Variants in INPP5A observed in about 807,000 individuals in gnomAD.
INPP5A encodes the protein 43 kDa inositol polyphosphate 5-phophatase.
Under a neutral mutation model 65.2 loss-of-function variants are expected in INPP5A, and 14 were observed. The ratio of observed to expected loss-of-function variants is 0.21; its 90% CI spans 0.14 to 0.34. The LOEUF (loss-of-function observed/expected upper bound fraction) is 0.34, where lower values mean the gene tolerates loss of function less well. INPP5A is among the 10% of genes least tolerant of loss of function. The probability of loss-of-function intolerance (pLI) is 1.00; values close to 1 mark genes in which losing one functional copy is unlikely to be tolerated. For synonymous variants in INPP5A, 207 were observed against 208.3 expected (o/e 0.99, Z 0.05); for missense variants, 431 against 545.6 (o/e 0.79, Z 2.09).
At chr10:132,757,901 A>T (rs1168819462) in intron 11 of INPP5A, among the ~76,000 whole-genome samples, 6 of 148,540 alleles carry the variant, frequency 4.0e-5, no homozygotes, top group African/African-American at 1.5e-4. Context: ...CTGACCCCAC[A>T]GGCCAGTGCG....
chr10:132,636,163 ATGTG>A (rs59663030), intron 2 of INPP5A, among the ~76,000 whole-genome samples: 22 of 149,726 alleles, frequency 1.5e-4, no homozygotes, highest in Admixed American at 7.3e-4. Flanking sequence ...GATAAACAAA[ATGTG>A]TGTGTGTGTG....
At chr10:132,726,987 C>A in intron 9 of INPP5A, 82 bp downstream of exon 9, 1 of 918,084 alleles carries the variant, frequency 1.1e-6, no homozygotes, top group Non-Finnish European at 1.6e-6. Flanking sequence ...TGGCCCCTTA[C>A]TGGCACTTTC....
In INPP5A at chr10:132,741,980, G is replaced by GGTCAGAGCTGTGTGGGACAGGAGGT. The variant is rs1846281266; in HGVS notation, c.733-7533_733-7509dup. ...CACTCCTGAGGGAGAGCAAAGGCCA[G>GGTCAGAGCTGTGTGGGACAGGAGGT]GTCAGAGCTGTGTGGGACAGGAGGT... is the stretch of plus-strand genomic sequence containing the variant. On this transcript the variant is annotated intron_variant, in intron 9 of 15. Transcript: ENST00000368594. The surrounding 1 kb of genome is among the most constrained non-coding windows in gnomAD (Gnocchi z 4.4). 6.6e-6 allele frequency among the ~76,000 whole-genome samples: 1 copy of GGTCAGAGCTGTGTGGGACAGGAGGT among 152,216 alleles called. No individual in the cohort carries two copies. The highest frequency in any genetic ancestry group is 2.1e-4 in the South Asian group (1 of 4,832).
intron 4 of INPP5A, among the ~76,000 whole-genome samples, chr10:132,666,894 T>G (rs1261497500): frequency 6.6e-6 from 1 of 152,188 alleles, no homozygotes; most frequent in Non-Finnish European, 1.5e-5. Flanking sequence ...TGGAGATAAC[T>G]TGAGTCATAA....
chr10:132,727,091 C>A lies in INPP5A; in HGVS notation c.732+186C>A, dbSNP rs965817699. The stretch of plus-strand genomic sequence containing the variant: ...TCGGCAGAGGGATCCGTGTTGGAAT[C>A]CGGGGTGCGCGGGCCCTCAAGGTTG... On this transcript the variant is annotated intron_variant, in intron 9 of 15. Transcript: ENST00000368594. This position sits in a 1 kb window ranked among gnomAD's most constrained non-coding sequence, Gnocchi z 6.5. 2.2e-6 allele frequency: 1 copy of A among 455,154 alleles called. No individual in the cohort carries two copies. The highest frequency in any genetic ancestry group is 2.0e-5 in the African/African-American group (1 of 50,348). The allele number at this position is 455,154 out of a possible 1,614,324, so 28.2% of individuals were successfully genotyped here.
At chr10:132,617,244 T>C (rs1451939869) in intron 2 of INPP5A, among the ~76,000 whole-genome samples, 1 of 152,154 alleles carries the variant, frequency 6.6e-6, no homozygotes, top group African/African-American at 2.4e-5. Context: ...TCTGGCTCTT[T>C]GCAGGCAGCT....
chr10:132,729,600 A>G (rs1276522117), intron 9 of INPP5A, among the ~76,000 whole-genome samples: 1 of 151,920 alleles, frequency 6.6e-6, no homozygotes, highest in African/African-American at 2.4e-5. Context: ...GCTCGCCCCC[A>G]CCTGTACCCC....
At position 132,551,384 on chromosome 10, in the gene INPP5A, G is replaced by A. The variant is rs1050276301; in HGVS notation, c.75+13213G>A. ...GGGACAGGCCAGCCCACCGTCATCT[G>A]CCTGCAGCGTCCCTCCAGGTGGTCG... On this transcript the variant is annotated intron_variant, in intron 1 of 15. Coordinates refer to ENST00000368594, the MANE Select transcript of INPP5A (RefSeq NM_005539.5). This position sits in a 1 kb window ranked among gnomAD's most constrained non-coding sequence, Gnocchi z 5.3. 6.6e-6 allele frequency among the ~76,000 whole-genome samples: 1 copy of A among 152,160 alleles called. No individual in the cohort carries two copies. Among genetic ancestry groups the A allele is most frequent in the African/African-American group, 2.4e-5 (1 of 41,428 alleles).
At chr10:132,685,796 T>G (rs1032525113) in intron 4 of INPP5A, among the ~76,000 whole-genome samples, 1 of 152,158 alleles carries the variant, frequency 6.6e-6, no homozygotes, top group Non-Finnish European at 1.5e-5. Context: ...GTGTGAGAAG[T>G]GGTCTGCTCC....
intron 2 of INPP5A, among the ~76,000 whole-genome samples, chr10:132,623,396 G>GTT (rs528742476): frequency 1.4e-4 from 20 of 141,924 alleles, no homozygotes; most frequent in East Asian, 2.1e-4. Flanking sequence ...GAAAGGAACA[G>GTT]TTTTTTTTTT....
In INPP5A at chr10:132,698,921, C is replaced by T. The variant is rs995576089; in HGVS notation, c.474+1002C>T. On this transcript the variant is annotated intron_variant, in intron 6 of 15. Transcript: ENST00000368594. This position sits in a 1 kb window ranked among gnomAD's most constrained non-coding sequence, Gnocchi z 5.5. ...CGCACCTTGAGTGAGGGACTGTGGC[C>T]GCCCGTGAAGGATGGGGTGCTCCTG... is the stretch of plus-strand genomic sequence containing the variant. Among the ~76,000 whole-genome samples, 13 of 152,206 alleles carry T rather than the reference C, an allele frequency of 8.5e-5. No homozygotes were observed. Among genetic ancestry groups the T allele is most frequent in the African/African-American group, 1.9e-4 (8 of 41,452 alleles).
At position 132,612,134 on chromosome 10, in the gene INPP5A, G is replaced by A. The variant is rs145925638; in HGVS notation, c.117+4178G>A. Among the ~76,000 whole-genome samples the A allele has an allele frequency of 6.4e-3, 934 of 146,862 alleles. 4 individuals carry two copies. The highest frequency in any genetic ancestry group is 0.022 in the South Asian group (103 of 4,616). The stretch of plus-strand genomic sequence containing the variant: ...GGGAGAGGCCCCATCAGAGGAGGGT[G>A]AGGGAGGTTATGAGTTCGTGGGAGA... On this transcript the variant is annotated intron_variant, in intron 2 of 15. Coordinates refer to ENST00000368594, the MANE Select transcript of INPP5A (RefSeq NM_005539.5).
intron 12 of INPP5A, among the ~76,000 whole-genome samples, chr10:132,775,180 G>GGGA (rs1462487968): frequency 5.2e-4 from 2 of 3,842 alleles, no homozygotes; most frequent in East Asian, 3.0e-3. Flanking sequence ...AGGAGGGGCA[G>GGGA]GGAGAGAGGG....
intron 1 of INPP5A, among the ~76,000 whole-genome samples, chr10:132,541,477 G>A (rs2070905694): frequency 6.6e-6 from 1 of 152,146 alleles, no homozygotes; most frequent in Admixed American, 6.5e-5. Flanking sequence ...ACAGTGTTGC[G>A]GTAAATGCCT....
intron 1 of INPP5A, among the ~76,000 whole-genome samples, chr10:132,595,144 G>T (rs1347112007): frequency 1.3e-5 from 2 of 152,138 alleles, no homozygotes; most frequent in Admixed American, 1.3e-4. Context: ...CGGCATGAGG[G>T]GCTCCTGTGA....
In INPP5A at chr10:132,710,566, C is replaced by T. The variant is rs1444520439; in HGVS notation, c.647+110C>T. 18 of 1,418,150 alleles carry T rather than the reference C, an allele frequency of 1.3e-5. No homozygotes were observed. In the South Asian group the frequency reaches 1.4e-4, roughly 11 times the overall value. 87.8% of individuals were successfully genotyped at this position (1,418,150 alleles called of 1,614,324 possible). A position where few individuals can be genotyped will look rare whatever the true frequency, so the allele number is the denominator to read the frequency against. On this transcript the variant is annotated intron_variant, in intron 8 of 15. Transcript: ENST00000368594. ...GGACAAGTAGGTATGCTGGGCAGGTCGGTGTGGGTGGACAGGTAGGTGGGG... is the reference window on the plus strand; with the variant it reads ...GGACAAGTAGGTATGCTGGGCAGGTTGGTGTGGGTGGACAGGTAGGTGGGG...
At position 132,656,749 on chromosome 10, in the gene INPP5A, A is replaced by C. The variant is rs568290953; in HGVS notation, c.306+6244A>C. 2.0e-4 allele frequency among the ~76,000 whole-genome samples: 31 copies of C among 152,334 alleles called. No homozygotes were observed. In the East Asian group the frequency reaches 5.8e-3, roughly 28 times the overall value. On this transcript the variant is annotated intron_variant, in intron 4 of 15. Transcript: ENST00000368594. The stretch of plus-strand genomic sequence containing the variant: ...GCTCCTGAGAGGATTTTTCACATGC[A>C]GCAGCTGGAGACAGTTTGGAGGGGC...
At position 132,728,104 on chromosome 10, in the gene INPP5A, C is replaced by T. The variant is rs780055038; in HGVS notation, c.732+1199C>T. 3.3e-5 allele frequency among the ~76,000 whole-genome samples: 5 copies of T among 152,322 alleles called. No homozygotes were observed. The East Asian group carries it at 9.6e-4, about 29-fold the overall frequency. On this transcript the variant is annotated intron_variant, in intron 9 of 15. Transcript: ENST00000368594. ...GCAGCACCTTGTCACAAGGCCCCAC[C>T]GCATGCCTGTGTATCAACATTTGGC...
chr10:132,615,883 C>A (rs573196494), intron 2 of INPP5A, among the ~76,000 whole-genome samples: 1 of 152,046 alleles, frequency 6.6e-6, no homozygotes, highest in Non-Finnish European at 1.5e-5. Context: ...CCGCTCTGGG[C>A]GGCTGGGATA....
Sources: allele counts gnomAD v4.1 joint callset (sites outside exome capture counted in the v4.1 genomes callset), GRCh38; gene constraint gnomAD v4.1.1; non-coding constraint Gnocchi (gnomAD v3.1); transcripts MANE v1.5; gene names NCBI Gene and HGNC (gene_info 2026-07-23, HGNC 2026-07-21).